The following SHANK2 variants were observed in gnomAD, a reference collection of about 807,000 sequenced individuals.
The protein encoded by SHANK2 is SH3 and multiple ankyrin repeat domains 2.
A neutral mutation model predicts 133.7 loss-of-function variants in SHANK2; 43 were observed. The ratio of observed to expected loss-of-function variants is 0.32; its 90% CI spans 0.25 to 0.41. SHANK2 has a LOEUF of 0.41. Ranked by LOEUF, SHANK2 falls within the 10% of genes least tolerant of loss-of-function variation. The pLI is 1.00. For missense variants in SHANK2, 1,994 were observed against 2,235.8 expected, an observed-to-expected ratio of 0.89 and a Z score of 2.18; for synonymous variants, 1,017 against 952.8, an observed-to-expected ratio of 1.07 and a Z score of -1.24.
chr11:70,773,812 C>A (rs1383607638), intron 14 of SHANK2, among the ~76,000 whole-genome samples: 3 of 152,140 alleles, frequency 2.0e-5, no homozygotes, highest in Non-Finnish European at 4.4e-5. Context: ...ATAACGATAA[C>A]AACAAACCAG....
intron 17 of SHANK2, among the ~76,000 whole-genome samples, chr11:70,503,817 C>T (rs2059096636): frequency 6.6e-6 from 1 of 152,376 alleles, no homozygotes; most frequent in Admixed American, 6.5e-5. Flanking sequence ...CCCCACGCTA[C>T]TCCCAGAGGA....
intron 14 of SHANK2, among the ~76,000 whole-genome samples, chr11:70,779,452 C>T (rs1947435740): frequency 6.6e-6 from 1 of 151,948 alleles, no homozygotes; most frequent in South Asian, 2.1e-4. Flanking sequence ...GAGTCATTTG[C>T]CTGTATTTTT....
At chr11:70,729,724 G>T (rs1431553827) in intron 14 of SHANK2, among the ~76,000 whole-genome samples, 84 of 150,426 alleles carry the variant, frequency 5.6e-4, no homozygotes, top group African/African-American at 2.0e-3. Flanking sequence ...TAGTAGAGAC[G>T]GGGTTTCACC....
chr11:70,815,079 G>A (rs1015870944), intron 12 of SHANK2, among the ~76,000 whole-genome samples: 3 of 152,154 alleles, frequency 2.0e-5, no homozygotes, highest in Non-Finnish European at 2.9e-5. Flanking sequence ...CCCCAGGGGC[G>A]GAGCTGGCTG....
chr11:70,777,658 A>G (rs1056526008), intron 14 of SHANK2, among the ~76,000 whole-genome samples: 24 of 152,354 alleles, frequency 1.6e-4, no homozygotes, highest in African/African-American at 5.5e-4. Flanking sequence ...CATGGAGGGT[A>G]GTAAACCTTG....
At chr11:70,691,120 G>C (rs530541808) in intron 15 of SHANK2, among the ~76,000 whole-genome samples, 1 of 152,128 alleles carries the variant, frequency 6.6e-6, no homozygotes, top group African/African-American at 2.4e-5. Flanking sequence ...AATTTATGGA[G>C]GGAGGAAAAA....
At chr11:71,178,951 C>A (rs1953497610) in intron 2 of SHANK2, among the ~76,000 whole-genome samples, 1 of 152,052 alleles carries the variant, frequency 6.6e-6, no homozygotes, top group African/African-American at 2.4e-5. Context: ...CCACTGCACT[C>A]CAGCCTGGGT....
Position 70,473,517 on chromosome 11 carries a change from G to A in SHANK2, c.4980-78C>T, listed in dbSNP as rs1180999076. 6.9e-6 allele frequency: 10 copies of A among 1,454,332 alleles called. No homozygotes were observed. In the Admixed American group the frequency reaches 1.4e-4, roughly 20 times the overall value. 90.1% of individuals were successfully genotyped at this position (1,454,332 alleles called of 1,614,324 possible). ...CAGCTGGCTGCAGATCACCCAGGAAGGCGAGGGAGACGCCCAAACCATGCC... is the reference window on the plus strand; with the variant it reads ...CAGCTGGCTGCAGATCACCCAGGAAAGCGAGGGAGACGCCCAAACCATGCC... On this transcript the variant is annotated intron_variant, in intron 25 of 25. Transcript: ENST00000601538. The surrounding 1 kb of genome is among the most constrained non-coding windows in gnomAD (Gnocchi z 5.9).
intron 1 of SHANK2, among the ~76,000 whole-genome samples, chr11:71,244,820 T>C (rs1233584589): frequency 6.6e-6 from 1 of 152,118 alleles, no homozygotes; most frequent in Middle Eastern, 3.2e-3. Context: ...TCTTGTGCCT[T>C]AGCCTTCTGA....
At chr11:70,748,543 AC>A (rs1230181404) in intron 14 of SHANK2, among the ~76,000 whole-genome samples, 1 of 152,098 alleles carries the variant, frequency 6.6e-6, no homozygotes, top group African/African-American at 2.4e-5. Context: ...TCAGCACCTA[AC>A]CCATCAGCTC....
At position 70,851,000 on chromosome 11, in the gene SHANK2, C is replaced by T. The variant is rs61209659; in HGVS notation, c.1175-30318G>A. On this transcript the variant is annotated intron_variant, in intron 11 of 25. Coordinates refer to ENST00000601538, the MANE Select transcript of SHANK2 (RefSeq NM_012309.5). ...TGAGCCAACACAAATTTGGAGCATCCGTACCCCAAGGTGACCCATTAACAG... is the reference window on the plus strand; with the variant it reads ...TGAGCCAACACAAATTTGGAGCATCTGTACCCCAAGGTGACCCATTAACAG... Among the ~76,000 whole-genome samples, 54 of 152,262 alleles carry T rather than the reference C, an allele frequency of 3.5e-4. No individual in the cohort carries two copies. In the East Asian group the frequency reaches 4.6e-3, roughly 13 times the overall value.
chr11:70,940,148 G>T (rs368585555), intron 10 of SHANK2, among the ~76,000 whole-genome samples: 785 of 75,694 alleles, frequency 0.01, 5 homozygotes, highest in African/African-American at 0.031. Context: ...AACTGGAAGA[G>T]AATCAATTTC....
At position 70,740,610 on chromosome 11, in the gene SHANK2, G is replaced by A. The variant is rs543744184; in HGVS notation, c.1778-41847C>T. Reference sequence around the variant, plus strand: ...CCTCCCCCTCACCCCCTGCCCGGTTGGATAGGCCCCAGCAAGCAGCATCAG... The same window carrying A: ...CCTCCCCCTCACCCCCTGCCCGGTTAGATAGGCCCCAGCAAGCAGCATCAG... On this transcript the variant is annotated intron_variant, in intron 14 of 25. Transcript: ENST00000601538. 5.1e-4 allele frequency among the ~76,000 whole-genome samples: 78 copies of A among 152,254 alleles called. 2 individuals are homozygous for A. The highest frequency in any genetic ancestry group is 2.9e-5 in the Non-Finnish European group (2 of 68,010).
Position 71,086,032 on chromosome 11 carries a change from T to TATATATTATATAATATGTTATATA in SHANK2, c.912+6366_912+6389dup, listed in dbSNP as rs1951399611. On this transcript the variant is annotated intron_variant, in intron 8 of 25. Transcript: ENST00000601538. ...ATTATATATAACATATTATATGTTATATATATTATATAATATGTTATATAA... is the reference window on the plus strand; with the variant it reads ...ATTATATATAACATATTATATGTTATATATATTATATAATATGTTATATAATATATTATATAATATGTTATATAA... Among the ~76,000 whole-genome samples, 85 of 85,712 alleles carry TATATATTATATAATATGTTATATA rather than the reference T, an allele frequency of 9.9e-4. 5 individuals carry two copies. The highest frequency in any genetic ancestry group is 4.1e-3 in the African/African-American group (84 of 20,334). 56.2% of individuals were successfully genotyped at this position (85,712 alleles called of 152,430 possible).
intron 15 of SHANK2, among the ~76,000 whole-genome samples, chr11:70,662,359 G>C (rs1365213240): frequency 6.6e-6 from 1 of 152,192 alleles, no homozygotes; most frequent in Non-Finnish European, 1.5e-5. Context: ...CCCACAGTGC[G>C]CCCGGCGGCT....
At chr11:71,083,629 G>GA (rs1161574842) in intron 8 of SHANK2, among the ~76,000 whole-genome samples, 1 of 152,152 alleles carries the variant, frequency 6.6e-6, no homozygotes, top group Non-Finnish European at 1.5e-5. Context: ...GAGAGGGAGG[G>GA]AGAGAGCCAG....
chr11:70,504,057 G>A (rs952724715), intron 17 of SHANK2, among the ~76,000 whole-genome samples: 18 of 152,366 alleles, frequency 1.2e-4, no homozygotes, highest in South Asian at 8.3e-4. Context: ...GCAGCAGGGA[G>A]GGGGAAGCCC....
At chr11:70,895,257 A>G (rs2135654192) in intron 11 of SHANK2, 1 of 152,748 alleles carries the variant, frequency 6.5e-6, no homozygotes, top group Middle Eastern at 3.4e-3. Flanking sequence ...CACACATGCC[A>G]CACGGTAAAG....
At chr11:70,602,162 TC>T (rs2060506766) in intron 17 of SHANK2, among the ~76,000 whole-genome samples, 1 of 152,104 alleles carries the variant, frequency 6.6e-6, no homozygotes, top group South Asian at 2.1e-4. Flanking sequence ...AACTGCCTAC[TC>T]CCATTTCACC....
Sources: gnomAD v4.1 joint callset for allele counts (sites outside exome capture counted in the v4.1 genomes callset) on GRCh38, gnomAD v4.1.1 for gene constraint, Gnocchi (gnomAD v3.1) non-coding constraint, MANE v1.5 for transcripts, NCBI Gene and HGNC (gene_info 2026-07-23, HGNC 2026-07-21) for gene names.